The following FLG2 variants were observed in gnomAD, a reference collection of about 807,000 sequenced individuals.
FLG2 encodes filaggrin 2.
Under a neutral mutation model 3.9 loss-of-function variants are expected in FLG2, and 7 were observed. The ratio of observed to expected loss-of-function variants is 1.79; its 90% CI spans 1.02 to 3.36. The LOEUF is 3.36. Ranked by LOEUF, FLG2 falls within the 30% of genes most tolerant of loss-of-function variation. The probability of loss-of-function intolerance (pLI) is 0.00; values close to 1 mark genes in which losing one functional copy is unlikely to be tolerated. For missense variants in FLG2, 2,700 were observed against 2,809.4 expected, an observed-to-expected ratio of 0.96 and a Z score of 0.88; for synonymous variants, 1,031 against 1,056.1, an observed-to-expected ratio of 0.98 and a Z score of 0.46.
rs141763753 is a variant in FLG2 at position 152,354,289 on chromosome 1, C to G, written c.3497G>C (p.Cys1166Ser). The change falls in exon 3 of 3, where the codon TGT (cysteine) becomes TCT (serine). Residue 1166 changes from cysteine to serine, a missense_variant. Cys to Ser is a moderately radical substitution (Grantham distance 112). Coordinates refer to ENST00000388718, the MANE Select transcript of FLG2 (RefSeq NM_001014342.3). ...ACCTGAGCCAGACTCATGTTGGCCA[C>G]AGCCAGATGATTGACTGGAGCCAGT... ...HGTGSSQSSGCGQHESGSGPT... is the reference protein window; with the variant it reads ...HGTGSSQSSGSGQHESGSGPT... 3.6e-5 allele frequency: 58 copies of G among 1,614,094 alleles called. No individual in the cohort carries two copies. The African/African-American group carries it at 6.5e-4, about 18-fold the overall frequency.
At chr1:152,358,179 G>A (rs925037489) in intron 2 of FLG2, among the ~76,000 whole-genome samples, 6 of 151,902 alleles carry the variant, frequency 3.9e-5, no homozygotes, top group East Asian at 1.9e-4. Context: ...ATGCAACCAC[G>A]CCCGGCTAAT....
At position 152,351,745 on chromosome 1, in the gene FLG2, TG is replaced by T; in HGVS notation, c.6040del (p.Gln2014SerfsTer388). ...TTRHGHSGHG[Q>X]STQRGSRTTG... ...TGTCCTGGACCCTCTCTGTGTGGAC[TG>T]TCCATGACCAGAGTGGCCATGTCTA... On this transcript the variant is annotated frameshift_variant, in exon 3 of 3. Coordinates refer to ENST00000388718, the MANE Select transcript of FLG2 (RefSeq NM_001014342.3). LOFTEE classifies it low-confidence loss of function (END_TRUNC). 1.2e-6 allele frequency: 2 copies of T among 1,611,650 alleles called. No individual in the cohort carries two copies. The highest frequency in any genetic ancestry group is 1.7e-6 in the Non-Finnish European group (2 of 1,179,578).
Position 152,357,442 on chromosome 1 carries a change from G to C in FLG2, c.344C>G (p.Thr115Arg). 6.2e-7 allele frequency: 1 copy of C among 1,614,008 alleles called. No homozygotes were observed. The highest frequency in any genetic ancestry group is 8.5e-7 in the Non-Finnish European group (1 of 1,180,004). Residue 115 changes from threonine to arginine, a missense_variant, in exon 3 of 3, where the codon ACA becomes AGA. Thr to Arg is a moderately conservative substitution (Grantham distance 71). Transcript: ENST00000388718. ...GHRHQEEESE[T>R]EEDEEDTPGH... is the part of the protein sequence containing the mutation. ...TGGTGTATCCTCTTCATCCTCTTCTGTTTCACTTTCTTCTTCTTGGTGTCG... is the reference window on the plus strand; with the variant it reads ...TGGTGTATCCTCTTCATCCTCTTCTCTTTCACTTTCTTCTTCTTGGTGTCG...
chr1:152,356,620 T>G lies in FLG2; in HGVS notation c.1166A>C (p.Gln389Pro). 6.2e-7 allele frequency: 1 copy of G among 1,614,202 alleles called. No individual in the cohort carries two copies. The highest frequency in any genetic ancestry group is 1.7e-5 in the Admixed American group (1 of 60,028). ...CCGQYGSGGS[Q>P]SCSNGQHEYG... The stretch of plus-strand genomic sequence containing the variant: ...TTCATGTTGACCATTACTACAAGAC[T>G]GGCTACCTCCAGACCCATATTGTCC... The change falls in exon 3 of 3, where the codon CAG becomes CCG. Residue 389 changes from glutamine (Q) to proline (P), a missense_variant. By Grantham distance (76) the Gln-to-Pro change is moderately conservative. Coordinates refer to ENST00000388718, the MANE Select transcript of FLG2 (RefSeq NM_001014342.3).
At position 152,350,773 on chromosome 1, in the gene FLG2, T is replaced by C. The variant is rs1331484868; in HGVS notation, c.7013A>G (p.His2338Arg). The change falls in exon 3 of 3, where the codon CAT (histidine) becomes CGT (arginine). Residue 2338 changes from histidine to arginine, a missense_variant. By Grantham distance (29) the His-to-Arg change is conservative. Transcript: ENST00000388718. Reference protein sequence around the residue: ...FQSHSSERQRHGSSQVWKHGS... With the variant: ...FQSHSSERQRRGSSQVWKHGS... Reference sequence around the variant, plus strand: ...ATGTTTCCAAACCTGACTTGATCCATGCCTTTGCCTTTCACTACTATGTGA... The same window carrying C: ...ATGTTTCCAAACCTGACTTGATCCACGCCTTTGCCTTTCACTACTATGTGA... 1.2e-6 allele frequency: 2 copies of C among 1,614,124 alleles called. No homozygotes were observed. The highest frequency in any genetic ancestry group is 1.3e-5 in the African/African-American group (1 of 74,944).
At chr1:152,357,986 G>A (rs1654312317) in intron 2 of FLG2, among the ~76,000 whole-genome samples, 1 of 151,750 alleles carries the variant, frequency 6.6e-6, no homozygotes. Flanking sequence ...CTTCCATGTT[G>A]GAATTTATCA....
In FLG2 at chr1:152,350,759, C is replaced by G; in HGVS notation, c.7027G>C (p.Val2343Leu). Residue 2343 changes from valine (V) to leucine (L), a missense_variant, in exon 3 of 3, where the codon GTT (valine) becomes CTT (leucine). Coordinates refer to ENST00000388718, the MANE Select transcript of FLG2 (RefSeq NM_001014342.3). ...GGTCCATAGCTGCCATGTTTCCAAA[C>G]CTGACTTGATCCATGCCTTTGCCTT... ...SERQRHGSSQ[V>L]WKHGSYGPAE... 3.1e-6 allele frequency: 5 copies of G among 1,614,200 alleles called. No individual in the cohort carries two copies. Among genetic ancestry groups the G allele is most frequent in the South Asian group, 2.2e-5 (2 of 91,082 alleles).
Position 152,357,282 on chromosome 1 carries a change from T to A in FLG2, c.504A>T (p.Leu168Phe), listed in dbSNP as rs61749580. The change falls in exon 3 of 3, where the codon TTA becomes TTT. Residue 168 changes from leucine (L) to phenylalanine (F), a missense_variant. By Grantham distance (22) the Leu-to-Phe change is conservative. Transcript: ENST00000388718. ...NSRRLGRQGN[L>F]SSSGNQEGSQ... is the part of the protein sequence containing the mutation. ...ATCCCTCTTGGTTCCCAGAGCTGGA[T>A]AAATTACCTTGTCTTCCTAGCCTCC... The A allele has an allele frequency of 0.012, 18,841 of 1,614,146 alleles. 1,566 individuals carry two copies. The African/African-American group carries it at 0.2, about 17-fold the overall frequency.
Position 152,357,342 on chromosome 1 carries a change from C to T in FLG2, c.444G>A (p.Arg148=), listed in dbSNP as rs1268811854. The T allele has an allele frequency of 6.2e-7, 1 of 1,614,128 alleles. No individual in the cohort carries two copies. The highest frequency in any genetic ancestry group is 1.1e-5 in the South Asian group (1 of 91,068). ...ACCCATGTCTACATTTCACAGTTCC[C>T]CTTGAGTGCCCAGAACTATATCCAT... The part of the protein sequence containing the change: ...EEHGYSSGHS[R]GTVKCRHGSN... Residue 148 remains arginine (R), a synonymous_variant, in exon 3 of 3, where the codon AGG becomes AGA. Transcript: ENST00000388718.
In FLG2 at chr1:152,353,320, C is replaced by T. The variant is rs1209220697; in HGVS notation, c.4466G>A (p.Arg1489Lys). 3 of 1,611,902 alleles carry T rather than the reference C, an allele frequency of 1.9e-6. No individual in the cohort carries two copies. Among genetic ancestry groups the T allele is most frequent in the East Asian group, 2.2e-5 (1 of 44,718 alleles). ...CCTTCTTCCAGTTGTACTGGACCCT[C>T]TCTGTGTGGATTTTCCATGATGATA... Reference protein sequence around the residue: ...AHYHHGKSTQRGSSTTGRRGS... With the variant: ...AHYHHGKSTQKGSSTTGRRGS... The change falls in exon 3 of 3, where the codon AGA becomes AAA. Residue 1489 changes from arginine (R) to lysine (K), a missense_variant. Physicochemically the swap from Arg to Lys is conservative, Grantham distance 26. Transcript: ENST00000388718.
Position 152,357,639 on chromosome 1 carries a change from A to C in FLG2, c.147T>G (p.Asp49Glu). The C allele has an allele frequency of 5.6e-6, 9 of 1,611,570 alleles. No homozygotes were observed. The highest frequency in any genetic ancestry group is 7.6e-6 in the Non-Finnish European group (9 of 1,178,700). ...TGATGACATCCACTGTGTCTGGATC[A>C]TCTGGGTTCTGTATATGAGTGACAC... ...KELHPVLKNP[D>E]DPDTVDVIMH... The change falls in exon 3 of 3, where the codon GAT becomes GAG. Residue 49 changes from aspartate (D) to glutamate (E), a missense_variant. Asp to Glu is a conservative substitution (Grantham distance 45). Coordinates refer to ENST00000388718, the MANE Select transcript of FLG2 (RefSeq NM_001014342.3).
rs1654214887 is a variant in FLG2, at chr1:152,356,023, C to T, written c.1763G>A (p.Gly588Asp). The change falls in exon 3 of 3, where the codon GGT becomes GAT. Residue 588 changes from glycine (G) to aspartate (D), a missense_variant. Transcript: ENST00000388718. Reference protein sequence around the residue: ...TGFGQYGSGSGQSSGFGQHGS... With the variant: ...TGFGQYGSGSDQSSGFGQHGS... ...ATGTTGTCCAAAGCCAGAGGACTGA[C>T]CTGAGCCCGATCCATATTGGCCAAA... 1.9e-6 allele frequency: 3 copies of T among 1,613,762 alleles called. No homozygotes were observed. Among genetic ancestry groups the T allele is most frequent in the East Asian group, 2.2e-5 (1 of 44,876 alleles).
chr1:152,355,999 T>C lies in FLG2; in HGVS notation c.1787A>G (p.His596Arg). The change falls in exon 3 of 3, where the codon CAT (histidine) becomes CGT (arginine). Residue 596 changes from histidine (H) to arginine (R), a missense_variant. Physicochemically the swap from His to Arg is conservative, Grantham distance 29. Transcript: ENST00000388718. ...GSGQSSGFGQ[H>R]GSGSGQSSGF... ...AGAGGATTGTCCTGAGCCAGACCCA[T>C]GTTGTCCAAAGCCAGAGGACTGACC... 1.9e-6 allele frequency: 3 copies of C among 1,613,442 alleles called. No homozygotes were observed. In the Middle Eastern group the frequency reaches 5.0e-4, roughly 266 times the overall value.
At chr1:152,359,065 T>C (rs1570946544) in intron 1 of FLG2, among the ~76,000 whole-genome samples, 159 bp from the exon 2 acceptor site, 1 of 152,170 alleles carries the variant, frequency 6.6e-6, no homozygotes, top group South Asian at 2.1e-4. Context: ...TTTAACACAA[T>C]GAAAATTAAC....
intron 1 of FLG2, among the ~76,000 whole-genome samples, chr1:152,359,608 G>T (rs1399789678): frequency 6.6e-6 from 1 of 152,154 alleles, no homozygotes; most frequent in African/African-American, 2.4e-5. Flanking sequence ...CACTGAATAA[G>T]GAAGGGACTC....
chr1:152,353,966 C>G lies in FLG2; in HGVS notation c.3820G>C (p.Glu1274Gln), dbSNP rs145221577. Residue 1274 changes from glutamate (E) to glutamine (Q), a missense_variant, in exon 3 of 3, where the codon GAG (glutamate) becomes CAG (glutamine). Glu to Gln is a conservative substitution (Grantham distance 29). Coordinates refer to ENST00000388718, the MANE Select transcript of FLG2 (RefSeq NM_001014342.3). Reference protein sequence around the residue: ...VTRRRRSSQSENSDSEVHSKV... With the variant: ...VTRRRRSSQSQNSDSEVHSKV... ...GAGTGCACTTCACTGTCACTGTTCT[C>G]ACTTTGGCTAGATCTTCGTCTTCTA... 2 of 1,614,216 alleles carry G rather than the reference C, an allele frequency of 1.2e-6. No homozygotes were observed. The highest frequency in any genetic ancestry group is 3.3e-5 in the Admixed American group (2 of 60,030).
chr1:152,353,317 C>T lies in FLG2; in HGVS notation c.4469G>A (p.Gly1490Glu). Residue 1490 changes from glycine (G) to glutamate (E), a missense_variant, in exon 3 of 3, where the codon GGG becomes GAG. Physicochemically the swap from Gly to Glu is moderately conservative, Grantham distance 98. Coordinates refer to ENST00000388718, the MANE Select transcript of FLG2 (RefSeq NM_001014342.3). Reference protein sequence around the residue: ...HYHHGKSTQRGSSTTGRRGSG... With the variant: ...HYHHGKSTQRESSTTGRRGSG... ...TCCCCTTCTTCCAGTTGTACTGGACCCTCTCTGTGTGGATTTTCCATGATG... is the reference window on the plus strand; with the variant it reads ...TCCCCTTCTTCCAGTTGTACTGGACTCTCTCTGTGTGGATTTTCCATGATG... 1 of 1,612,872 alleles carries T rather than the reference C, an allele frequency of 6.2e-7. No individual in the cohort carries two copies. Among genetic ancestry groups the T allele is most frequent in the Non-Finnish European group, 8.5e-7 (1 of 1,179,784 alleles).
In FLG2 at chr1:152,349,653, A is replaced by G. The variant is rs1230895002; in HGVS notation, c.*957T>C. The stretch of plus-strand genomic sequence containing the variant: ...TCTGGGTTAGTTCTTATCTTGGGCT[A>G]GTTTATGTTGGCTTCTTATTCAAAG... On this transcript the variant is annotated 3_prime_UTR_variant, in exon 3 of 3. Transcript: ENST00000388718. 2 of 152,628 alleles carry G rather than the reference A, an allele frequency of 1.3e-5. No individual in the cohort carries two copies. Among genetic ancestry groups the G allele is most frequent in the African/African-American group, 4.8e-5 (2 of 41,460 alleles). The allele number at this position is 152,628 out of a possible 1,614,324, so 9.5% of individuals were successfully genotyped here. A position where few individuals can be genotyped will look rare whatever the true frequency, so the allele number is the denominator to read the frequency against.
rs775293819 is a variant in FLG2 at position 152,353,651 on chromosome 1, C to T, written c.4135G>A (p.Glu1379Lys). 1 of 1,613,964 alleles carries T rather than the reference C, an allele frequency of 6.2e-7. No homozygotes were observed. The highest frequency in any genetic ancestry group is 1.1e-5 in the South Asian group (1 of 91,064). The change falls in exon 3 of 3, where the codon GAG (glutamate) becomes AAG (lysine). Residue 1379 changes from glutamate to lysine, a missense_variant. By Grantham distance (56) the Glu-to-Lys change is moderately conservative. Transcript: ENST00000388718. ...CTCTCATGAACTGTGGATTCTGACT[C>T]TCCATGTTGAGATCCAGCTTGGCTG... Reference protein sequence around the residue: ...THSQAGSQHGESESTVHERHE... With the variant: ...THSQAGSQHGKSESTVHERHE...
Sources: allele counts gnomAD v4.1 joint callset (sites outside exome capture counted in the v4.1 genomes callset), GRCh38; gene constraint gnomAD v4.1.1; transcripts MANE v1.5; gene names NCBI Gene and HGNC (gene_info 2026-07-23, HGNC 2026-07-21).